Variants in LPA observed in about 807,000 individuals in gnomAD.
LPA encodes apolipoprotein(a).
A neutral mutation model predicts 197.9 loss-of-function variants in LPA; 199 were observed. That is an observed-to-expected ratio of 1.01 (90% confidence interval 0.90 to 1.13). The LOEUF (loss-of-function observed/expected upper bound fraction) is 1.13. Ranked by LOEUF, LPA falls within the 50% of genes most tolerant of loss-of-function variation. The pLI is 0.00. For synonymous variants in LPA, 715 were observed against 639.5 expected (o/e 1.12, Z -1.78); for missense variants, 1,853 against 1,785.8 (o/e 1.04, Z -0.68).
chr6:160,654,017 TATA>T (rs1562354788), intron 1 of LPA, among the ~76,000 whole-genome samples: 3 of 10,386 alleles, frequency 2.9e-4, no homozygotes, highest in African/African-American at 1.3e-3. Flanking sequence ...ATATATTATA[TATA>T]ATATATAATA....
intron 19 of LPA, 47 bp from the exon 20 acceptor site, chr6:160,599,706 A>G: frequency 1.9e-6 from 3 of 1,607,956 alleles, no homozygotes; most frequent in Non-Finnish European, 2.6e-6. Context: ...CCTAGAACAG[A>G]AAAATACAGG....
chr6:160,547,496 TCCAGTA>T (rs1043861213), intron 32 of LPA, among the ~76,000 whole-genome samples: 3 of 152,082 alleles, frequency 2.0e-5, no homozygotes, highest in Non-Finnish European at 4.4e-5. Context: ...AATTACCAGT[TCCAGTA>T]CCAGTACCAG....
intron 33 of LPA, 124 bp from the exon 34 acceptor site, chr6:160,542,932 C>T: frequency 7.6e-7 from 1 of 1,319,376 alleles, no homozygotes; most frequent in Admixed American, 1.8e-5. Context: ...ATGGTAAAAT[C>T]ATAAACACTC....
At chr6:160,600,404 G>A (rs1474028355) in intron 19 of LPA, among the ~76,000 whole-genome samples, 1 of 152,132 alleles carries the variant, frequency 6.6e-6, no homozygotes, top group African/African-American at 2.4e-5. Context: ...GACTGAAAAA[G>A]ACCTGAGAGA....
chr6:160,592,864 C>G lies in LPA; in HGVS notation c.3629+1094G>C, dbSNP rs527683805. 1.2e-4 allele frequency among the ~76,000 whole-genome samples: 19 copies of G among 152,266 alleles called. 1 individual carries two copies. The East Asian group carries it at 3.1e-3, about 25-fold the overall frequency. Reference sequence around the variant, plus strand: ...ATGCCCAAGATGTTCAGTGAGGTGTCTCTCCTCTGAGTGGTCAGAACTCAA... The same window carrying G: ...ATGCCCAAGATGTTCAGTGAGGTGTGTCTCCTCTGAGTGGTCAGAACTCAA... On this transcript the variant is annotated intron_variant, in intron 22 of 38. Coordinates refer to ENST00000316300, the MANE Select transcript of LPA (RefSeq NM_005577.4).
At chr6:160,583,053 T>C (rs1029371361) in intron 26 of LPA, among the ~76,000 whole-genome samples, 19 of 152,246 alleles carry the variant, frequency 1.2e-4, no homozygotes, top group African/African-American at 4.3e-4. Context: ...AATTTTTCTT[T>C]CTGTTGATAT....
chr6:160,602,080 A>C (rs1779255113), intron 18 of LPA, among the ~76,000 whole-genome samples: 1 of 152,150 alleles, frequency 6.6e-6, no homozygotes, highest in African/African-American at 2.4e-5. Flanking sequence ...CGGGAAATGT[A>C]TTATGGGCCA....
Position 160,536,195 on chromosome 6 carries a change from G to T in LPA, c.5842+1660C>A, listed in dbSNP as rs183330993. 5.9e-5 allele frequency among the ~76,000 whole-genome samples: 9 copies of T among 152,270 alleles called. No individual in the cohort carries two copies. In the East Asian group the frequency reaches 1.7e-3, roughly 29 times the overall value. On this transcript the variant is annotated intron_variant, in intron 37 of 38. Transcript: ENST00000316300. Reference sequence around the variant, plus strand: ...ACAGCACCACAGCATCTGCAGCCATGGGAATGTCACCTTTGTGCCCCCAAA... The same window carrying T: ...ACAGCACCACAGCATCTGCAGCCATTGGAATGTCACCTTTGTGCCCCCAAA...
At chr6:160,563,488 T>G (rs1778396622) in intron 28 of LPA, among the ~76,000 whole-genome samples, 3 of 152,192 alleles carry the variant, frequency 2.0e-5, no homozygotes. Flanking sequence ...TACTTCCAAT[T>G]ATGTGGTCAA....
intron 26 of LPA, among the ~76,000 whole-genome samples, chr6:160,583,170 G>A (rs1778832422): frequency 6.6e-6 from 1 of 150,934 alleles, no homozygotes; most frequent in Non-Finnish European, 1.5e-5. Flanking sequence ...TATCATTTTT[G>A]GGTCTATTTG....
chr6:160,653,811 A>G (rs1238070539), intron 1 of LPA, among the ~76,000 whole-genome samples: 2 of 145,784 alleles, frequency 1.4e-5, no homozygotes, highest in Non-Finnish European at 3.0e-5. Flanking sequence ...ATCCACCACA[A>G]TCAAGTAGGT....
chr6:160,544,796 A>T (rs1345497390), intron 33 of LPA, among the ~76,000 whole-genome samples: 1 of 152,176 alleles, frequency 6.6e-6, no homozygotes, highest in East Asian at 1.9e-4. Flanking sequence ...TTGTTACCCC[A>T]ATCATTTAAG....
intron 26 of LPA, 148 bp from the exon 27 acceptor site, chr6:160,578,852 T>C (rs1266041177): frequency 4.1e-6 from 5 of 1,224,084 alleles, no homozygotes; most frequent in South Asian, 2.6e-5. Flanking sequence ...CAAGCACAAA[T>C]GGTCTTCAGC....
At chr6:160,581,715 A>C (rs1256847694) in intron 26 of LPA, among the ~76,000 whole-genome samples, 2 of 152,118 alleles carry the variant, frequency 1.3e-5, no homozygotes, top group Admixed American at 6.6e-5. Flanking sequence ...TGTCTTGGTG[A>C]TTCTAGCATA....
At chr6:160,557,965 A>C (rs12210186) in intron 28 of LPA, among the ~76,000 whole-genome samples, 1 of 150,746 alleles carries the variant, frequency 6.6e-6, no homozygotes, top group East Asian at 2.0e-4. Flanking sequence ...TGTCGCCCAG[A>C]CTGGAGTGCA....
At chr6:160,648,912 G>A (rs947009405) in intron 2 of LPA, among the ~76,000 whole-genome samples, 2 of 152,068 alleles carry the variant, frequency 1.3e-5, no homozygotes, top group Non-Finnish European at 2.9e-5. Context: ...TGTATTGGCT[G>A]ATTTTCCTCC....
chr6:160,610,419 G>C (rs1779469022), intron 16 of LPA, among the ~76,000 whole-genome samples: 1 of 152,110 alleles, frequency 6.6e-6, no homozygotes, highest in African/African-American at 2.4e-5. Flanking sequence ...CCACTGAATT[G>C]GCAATGTGTT....
chr6:160,572,709 T>C (rs1291276185), intron 28 of LPA, among the ~76,000 whole-genome samples: 1 of 152,196 alleles, frequency 6.6e-6, no homozygotes, highest in Non-Finnish European at 1.5e-5. Flanking sequence ...ATAATTGTTT[T>C]GTTTGAGGAG....
intron 34 of LPA, 26 bp downstream of exon 34, chr6:160,542,662 T>C (rs376640075): frequency 1.6e-5 from 25 of 1,612,128 alleles, no homozygotes; most frequent in Middle Eastern, 2.1e-4. Context: ...AAGGACAGTA[T>C]AGATGGTTTC....
Sources: gnomAD v4.1 joint callset for allele counts (sites outside exome capture counted in the v4.1 genomes callset) on GRCh38, gnomAD v4.1.1 for gene constraint, MANE v1.5 for transcripts, NCBI Gene and HGNC (gene_info 2026-07-23, HGNC 2026-07-21) for gene names.